Variants in CCDC167 observed in about 807,000 individuals in gnomAD.
CCDC167 encodes coiled-coil domain containing 167, also known as coiled-coil domain-containing protein 167.
CCDC167 carries 15 observed loss-of-function variants against 12.7 expected under a neutral mutation model. The observed-to-expected ratio is 1.18, with a 90% CI of 0.79 to 1.81. The LOEUF is 1.81. Ranked by LOEUF, CCDC167 falls within the 40% of genes most tolerant of loss-of-function variation. The probability of loss-of-function intolerance (pLI) is 0.00; values close to 1 mark genes in which losing one functional copy is unlikely to be tolerated. For synonymous variants in CCDC167, 52 were observed against 49.0 expected (o/e 1.06, Z -0.26); for missense variants, 121 against 120.1 (o/e 1.01, Z -0.03).
rs1251090851 is a variant in CCDC167 at position 37,483,082 on chromosome 6, G to T, written c.*104C>A. 4.4e-6 allele frequency: 4 copies of T among 914,970 alleles called. No homozygotes were observed. The highest frequency in any genetic ancestry group is 5.0e-5 in the East Asian group (2 of 40,172). The allele number at this position is 914,970 out of a possible 1,614,324, so 56.7% of individuals were successfully genotyped here. On this transcript the variant is annotated 3_prime_UTR_variant, in exon 4 of 4. Coordinates refer to ENST00000373408, the MANE Select transcript of CCDC167 (RefSeq NM_138493.3). ...CCATGCTTGAACACTAGGTTGGGAG[G>T]GGAACACCCCAGCACCTTGGTCCTA...
intron 1 of CCDC167, among the ~76,000 whole-genome samples, 180 bp downstream of exon 1, chr6:37,499,642 G>A (rs531011276): frequency 1.3e-5 from 2 of 152,136 alleles, no homozygotes; most frequent in East Asian, 3.9e-4. Context: ...ACCTCCTCGG[G>A]CTCCCTGTCC....
At chr6:37,492,200 C>T (rs187540238) in intron 1 of CCDC167, among the ~76,000 whole-genome samples, 1 of 152,202 alleles carries the variant, frequency 6.6e-6, no homozygotes, top group African/African-American at 2.4e-5. Context: ...AGGGCTTATG[C>T]TCTTTCCACC....
At chr6:37,485,492 G>A (rs890984815) in intron 1 of CCDC167, among the ~76,000 whole-genome samples, 4 of 152,384 alleles carry the variant, frequency 2.6e-5, no homozygotes, top group African/African-American at 7.2e-5. Flanking sequence ...CAGGTTGGGG[G>A]TGGAGAGGAG....
intron 1 of CCDC167, among the ~76,000 whole-genome samples, chr6:37,485,715 A>G (rs1048467757): frequency 6.6e-6 from 1 of 152,242 alleles, no homozygotes; most frequent in Non-Finnish European, 1.5e-5. Flanking sequence ...TCTCATTGAC[A>G]TACTTCATCT....
At chr6:37,497,540 G>GGGGGTCA (rs1762113506) in intron 1 of CCDC167, among the ~76,000 whole-genome samples, 1 of 145,644 alleles carries the variant, frequency 6.9e-6, no homozygotes, top group African/African-American at 2.6e-5. Context: ...GCTTGGGGTC[G>GGGGGTCA]GGGGTCGGGG....
At chr6:37,494,945 G>A (rs1415826603) in intron 1 of CCDC167, among the ~76,000 whole-genome samples, 5 of 151,742 alleles carry the variant, frequency 3.3e-5, no homozygotes, top group East Asian at 1.9e-4. Context: ...GATTACAGGC[G>A]TGTACCACCA....
intron 1 of CCDC167, 70 bp downstream of exon 1, chr6:37,499,752 G>C: frequency 6.6e-7 from 1 of 1,526,448 alleles, no homozygotes; most frequent in Admixed American, 1.7e-5. Context: ...CTATAGCCCA[G>C]CCTATCCCTT....
At chr6:37,484,383 G>A (rs943439861) in intron 3 of CCDC167, among the ~76,000 whole-genome samples, 1 of 150,742 alleles carries the variant, frequency 6.6e-6, no homozygotes, top group African/African-American at 2.4e-5. Context: ...TGGCGGCATC[G>A]CTCCACCCAC....
chr6:37,488,050 G>A (rs1468097211), intron 1 of CCDC167, among the ~76,000 whole-genome samples: 1 of 152,208 alleles, frequency 6.6e-6, no homozygotes, highest in Non-Finnish European at 1.5e-5. Context: ...ACTGTCAAGA[G>A]GCTCTTCAGA....
chr6:37,494,478 C>T (rs1417266511), intron 1 of CCDC167, among the ~76,000 whole-genome samples: 1 of 152,228 alleles, frequency 6.6e-6, no homozygotes, highest in East Asian at 1.9e-4. Flanking sequence ...CTCCCCACCC[C>T]TGCTCCTTTG....
At chr6:37,496,475 C>T (rs1762100090) in intron 1 of CCDC167, among the ~76,000 whole-genome samples, 1 of 151,964 alleles carries the variant, frequency 6.6e-6, no homozygotes, top group African/African-American at 2.4e-5. Context: ...AGTCTGTCAG[C>T]CAAACAGAAG....
chr6:37,488,268 G>A (rs1318478528), intron 1 of CCDC167, among the ~76,000 whole-genome samples: 1 of 152,254 alleles, frequency 6.6e-6, no homozygotes, highest in African/African-American at 2.4e-5. Context: ...GGGGTCAGGA[G>A]TGGTGGCTAC....
intron 3 of CCDC167, among the ~76,000 whole-genome samples, chr6:37,484,560 C>T (rs1032100506): frequency 2.6e-5 from 4 of 152,202 alleles, no homozygotes; most frequent in Non-Finnish European, 5.9e-5. Flanking sequence ...GACCTGGCCA[C>T]GGCCACATCC....
At chr6:37,491,032 G>T (rs554516986) in intron 1 of CCDC167, among the ~76,000 whole-genome samples, 4 of 152,106 alleles carry the variant, frequency 2.6e-5, no homozygotes, top group Admixed American at 2.6e-4. Context: ...TGTAAAATTC[G>T]TGTGAAATCC....
chr6:37,483,528 A>G (rs933182336), intron 3 of CCDC167, among the ~76,000 whole-genome samples: 2 of 152,196 alleles, frequency 1.3e-5, no homozygotes, highest in Admixed American at 1.3e-4. Context: ...GGCTCTTTAA[A>G]TGTGGTTGAG....
At chr6:37,485,704 T>C (rs1761933802) in intron 1 of CCDC167, among the ~76,000 whole-genome samples, 1 of 152,238 alleles carries the variant, frequency 6.6e-6, no homozygotes. Flanking sequence ...AGAGGTGTTT[T>C]TCTCATTGAC....
chr6:37,484,809 C>G lies in CCDC167; in HGVS notation c.190+1G>C, dbSNP rs1490022535. ...CTGGTAACTGAAAGGAACTTTCTTA[C>G]CGTAGTTGGAGGCTTTGTTCATTAG... On this transcript the variant is annotated splice_donor_variant, in intron 3 of 3. Coordinates refer to ENST00000373408, the MANE Select transcript of CCDC167 (RefSeq NM_138493.3). LOFTEE classifies it high-confidence loss of function. 1 of 1,614,194 alleles carries G rather than the reference C, an allele frequency of 6.2e-7. No homozygotes were observed.
At chr6:37,485,507 C>T (rs1162222361) in intron 1 of CCDC167, among the ~76,000 whole-genome samples, 1 of 152,226 alleles carries the variant, frequency 6.6e-6, no homozygotes. Context: ...GAGGAGCAGC[C>T]CCTTGGTCTG....
In CCDC167 at chr6:37,490,085, C is replaced by T. The variant is rs547216821; in HGVS notation, c.43-4891G>A. On this transcript the variant is annotated intron_variant, in intron 1 of 3. Transcript: ENST00000373408. ...TGAGTCAGCAGGGGGCACAGGGCTG[C>T]GATCTGCAGGGGCTTTGGGGACCCC... 5.3e-5 allele frequency among the ~76,000 whole-genome samples: 8 copies of T among 152,322 alleles called. 2 individuals carry two copies. In the South Asian group the frequency reaches 1.7e-3, roughly 32 times the overall value.
Sources: gnomAD v4.1 joint callset for allele counts (sites outside exome capture counted in the v4.1 genomes callset) on GRCh38, gnomAD v4.1.1 for gene constraint, MANE v1.5 for transcripts, NCBI Gene and HGNC (gene_info 2026-07-23, HGNC 2026-07-21) for gene names.